The following PKNOX2 variants were observed in gnomAD, a reference collection of about 807,000 sequenced individuals.
PKNOX2 encodes the protein homeobox protein PKNOX2.
In PKNOX2, 14 loss-of-function variants were observed where a neutral mutation model predicts 53.1. That is an observed-to-expected ratio of 0.26 (90% CI 0.17 to 0.41). PKNOX2 has a LOEUF of 0.41. PKNOX2 is among the 10% of genes least tolerant of loss of function. PKNOX2 has a pLI of 1.00. For missense variants in PKNOX2, 496 were observed against 602.8 expected, an observed-to-expected ratio of 0.82 and a Z score of 1.85; for synonymous variants, 257 against 242.8, an observed-to-expected ratio of 1.06 and a Z score of -0.54.
At chr11:125,266,019 A>G (rs1338892945) in intron 2 of PKNOX2, among the ~76,000 whole-genome samples, 1 of 152,138 alleles carries the variant, frequency 6.6e-6, no homozygotes, top group Non-Finnish European at 1.5e-5. Context: ...CAGCTCCATA[A>G]CTGGCCAGGT....
In PKNOX2 at chr11:125,245,810, A is replaced by G. The variant is rs562306710; in HGVS notation, c.-130+10695A>G. Among the ~76,000 whole-genome samples, 3 of 152,328 alleles carry G rather than the reference A, an allele frequency of 2.0e-5. No individual in the cohort carries two copies. In the East Asian group the frequency reaches 5.8e-4, roughly 29 times the overall value. On this transcript the variant is annotated intron_variant, in intron 2 of 12. Coordinates refer to ENST00000298282, the MANE Select transcript of PKNOX2 (RefSeq NM_001382323.2). The stretch of plus-strand genomic sequence containing the variant: ...GTGGTTACTGAGTTTCTCAGTACTG[A>G]GTGAGGAAACTGAAATTCAGGCTGG...
intron 3 of PKNOX2, among the ~76,000 whole-genome samples, chr11:125,348,390 G>T (rs1230812619): frequency 6.6e-6 from 1 of 152,232 alleles, no homozygotes; most frequent in Non-Finnish European, 1.5e-5. Flanking sequence ...TAATGAAAAG[G>T]CCTCCTGTTC....
At chr11:125,214,333 C>T (rs1288728547) in intron 1 of PKNOX2, among the ~76,000 whole-genome samples, 7 of 151,962 alleles carry the variant, frequency 4.6e-5, no homozygotes, top group African/African-American at 9.7e-5. Context: ...TCTTCTGATT[C>T]GCTCTTGCTC....
At chr11:125,400,381 C>A (rs1407005683) in intron 7 of PKNOX2, among the ~76,000 whole-genome samples, 1 of 152,192 alleles carries the variant, frequency 6.6e-6, no homozygotes, top group Non-Finnish European at 1.5e-5. Context: ...CACCTGCACA[C>A]CCATGCATCT....
chr11:125,325,240 C>T (rs1475348518), intron 2 of PKNOX2, among the ~76,000 whole-genome samples: 2 of 152,204 alleles, frequency 1.3e-5, no homozygotes, highest in Non-Finnish European at 2.9e-5. Context: ...CCTGCTTATC[C>T]GTTCTTTCCC....
At chr11:125,171,852 G>A (rs1196720434) in intron 1 of PKNOX2, among the ~76,000 whole-genome samples, 6 of 152,244 alleles carry the variant, frequency 3.9e-5, no homozygotes, top group Admixed American at 1.3e-4. Flanking sequence ...CTTTGGGGAT[G>A]AGGGGTGTCT....
intron 2 of PKNOX2, among the ~76,000 whole-genome samples, chr11:125,308,924 A>G (rs1002862246): frequency 6.6e-6 from 1 of 152,150 alleles, no homozygotes; most frequent in Non-Finnish European, 1.5e-5. Flanking sequence ...GGTAACAGTC[A>G]TGTTCCTCCA....
chr11:125,168,283 G>C (rs1955036843), intron 1 of PKNOX2, among the ~76,000 whole-genome samples: 1 of 152,182 alleles, frequency 6.6e-6, no homozygotes, highest in East Asian at 1.9e-4. Context: ...TTTTGACTAG[G>C]TCCTAACACA....
At chr11:125,355,722 A>G (rs1386505789) in intron 4 of PKNOX2, among the ~76,000 whole-genome samples, 1 of 151,798 alleles carries the variant, frequency 6.6e-6, no homozygotes, top group Non-Finnish European at 1.5e-5. Context: ...TCCATTTGCT[A>G]CTATTTCTGT....
rs1953460954 is a variant in PKNOX2 at position 125,384,236 on chromosome 11, G to C, written c.228-1315G>C. Among the ~76,000 whole-genome samples, 3 of 152,194 alleles carry C rather than the reference G, an allele frequency of 2.0e-5. No homozygotes were observed. In the South Asian group the frequency reaches 6.2e-4, roughly 31 times the overall value. The stretch of plus-strand genomic sequence containing the variant: ...ACTTTGGACATATAGTGATAAATAA[G>C]GTGAGCTAGATTCCTTCCCTCATGT... On this transcript the variant is annotated intron_variant, in intron 5 of 12. Transcript: ENST00000298282.
At chr11:125,399,251 G>A (rs1954592202) in intron 7 of PKNOX2, among the ~76,000 whole-genome samples, 1 of 152,212 alleles carries the variant, frequency 6.6e-6, no homozygotes, top group Non-Finnish European at 1.5e-5. Context: ...CTTTATTACA[G>A]ATCTAAAAAC....
At chr11:125,325,207 G>A (rs1949760802) in intron 2 of PKNOX2, among the ~76,000 whole-genome samples, 1 of 152,148 alleles carries the variant, frequency 6.6e-6, no homozygotes, top group South Asian at 2.1e-4. Flanking sequence ...CTCTGCCCAG[G>A]TCTCTTGACT....
At chr11:125,242,565 G>A (rs1053498773) in intron 2 of PKNOX2, among the ~76,000 whole-genome samples, 1 of 152,290 alleles carries the variant, frequency 6.6e-6, no homozygotes, top group South Asian at 2.1e-4. Context: ...CCCAGCTGGT[G>A]GGGGGACATC....
intron 1 of PKNOX2, among the ~76,000 whole-genome samples, chr11:125,207,991 A>G (rs1939347909): frequency 1.3e-5 from 2 of 152,114 alleles, no homozygotes; most frequent in South Asian, 2.1e-4. Context: ...TCTGTAATGA[A>G]TGTGTCTAAT....
At chr11:125,416,249 G>A (rs1286740236) in intron 10 of PKNOX2, among the ~76,000 whole-genome samples, 1 of 141,802 alleles carries the variant, frequency 7.1e-6, no homozygotes, top group Non-Finnish European at 1.5e-5. Context: ...CTTGCAGTGA[G>A]CCGAGATCCC....
chr11:125,186,778 T>TA (rs775360034), intron 1 of PKNOX2, among the ~76,000 whole-genome samples: 10 of 152,218 alleles, frequency 6.6e-5, no homozygotes, highest in Non-Finnish European at 8.8e-5. Flanking sequence ...TAACTAAGAA[T>TA]CACTGTCAAA....
chr11:125,192,173 C>G (rs908544724), intron 1 of PKNOX2, among the ~76,000 whole-genome samples: 5 of 152,076 alleles, frequency 3.3e-5, no homozygotes, highest in African/African-American at 1.2e-4. Context: ...CAGCAGGTCT[C>G]TCTGAGTCTC....
chr11:125,327,352 G>A (rs538687701), intron 2 of PKNOX2, among the ~76,000 whole-genome samples: 2 of 152,336 alleles, frequency 1.3e-5, no homozygotes, highest in Non-Finnish European at 2.9e-5. Context: ...GAGGTCGTGA[G>A]GACAGAGGAA....
chr11:125,282,040 G>A (rs1242066511), intron 2 of PKNOX2, among the ~76,000 whole-genome samples: 2 of 152,210 alleles, frequency 1.3e-5, no homozygotes, highest in Non-Finnish European at 2.9e-5. Flanking sequence ...CAGTGCTGTT[G>A]TGGTGTCTGT....
Sources: gnomAD v4.1 joint callset for allele counts (sites outside exome capture counted in the v4.1 genomes callset) on GRCh38, gnomAD v4.1.1 for gene constraint, MANE v1.5 for transcripts, NCBI Gene and HGNC (gene_info 2026-07-23, HGNC 2026-07-21) for gene names.